Variants in MICAL2 observed in about 807,000 individuals in gnomAD.
MICAL2 encodes microtubule associated monooxygenase, calponin and LIM domain containing 2.
A neutral mutation model predicts 127.3 loss-of-function variants in MICAL2; 77 were observed. The observed-to-expected ratio is 0.60, with a 90% CI of 0.50 to 0.73. The LOEUF (loss-of-function observed/expected upper bound fraction) is 0.73. Ranked by LOEUF, MICAL2 falls within the 30% of genes least tolerant of loss-of-function variation. The pLI is 0.00. For synonymous variants in MICAL2, 570 were observed against 551.1 expected (o/e 1.03, Z -0.48); for missense variants, 1,351 against 1,434.4 (o/e 0.94, Z 0.94).
chr11:12,337,529 CT>C (rs1429933736), intron 32 of MICAL2, among the ~76,000 whole-genome samples: 1 of 152,134 alleles, frequency 6.6e-6, no homozygotes, highest in East Asian at 1.9e-4. Flanking sequence ...TTCTCTAGTT[CT>C]TTTAATTGTG....
rs140406273 is a variant in MICAL2 at position 12,204,322 on chromosome 11, G to A, written c.337G>A (p.Val113Ile). Residue 113 changes from valine (V) to isoleucine (I), a missense_variant, in exon 4 of 28, where the codon GTC (valine) becomes ATC (isoleucine). By Grantham distance (29) the Val-to-Ile change is conservative. This residue lies in a region of MICAL2 where 599 missense variants were observed against 714.9 expected (regional missense o/e 0.84). Coordinates refer to ENST00000683283, the MANE Select transcript of MICAL2 (RefSeq NM_001282663.2). ...ACTTGCCTACCTGGGAGCCAAAGTGGTCGTGGTGGAGAAGAGGGACTCCTT... is the reference window on the plus strand; with the variant it reads ...ACTTGCCTACCTGGGAGCCAAAGTGATCGTGGTGGAGAAGAGGGACTCCTT... The part of the protein sequence containing the change: ...IELAYLGAKV[V>I]VVEKRDSFSR... The A allele has an allele frequency of 4.1e-3, 6,633 of 1,614,162 alleles. 53 individuals are homozygous for A. The highest frequency in any genetic ancestry group is 0.02 in the South Asian group (1,782 of 91,080).
intron 3 of MICAL2, among the ~76,000 whole-genome samples, chr11:12,178,901 C>T (rs1297549357): frequency 6.6e-6 from 1 of 152,020 alleles, no homozygotes; most frequent in Non-Finnish European, 1.5e-5. Flanking sequence ...GCAATCACAC[C>T]TTCCTTTGCA....
intron 3 of MICAL2, among the ~76,000 whole-genome samples, chr11:12,190,446 G>T (rs573605108): frequency 2.2e-4 from 34 of 152,276 alleles, no homozygotes; most frequent in African/African-American, 8.2e-4. Context: ...CTGGCTTTGT[G>T]ACATCTGAAG....
intron 18 of MICAL2, among the ~76,000 whole-genome samples, chr11:12,241,789 G>C (rs1056968238): frequency 1.3e-5 from 2 of 152,208 alleles, no homozygotes; most frequent in African/African-American, 4.8e-5. Context: ...AGTAAGGTCG[G>C]TGTGACTACA....
chr11:12,156,813 TG>T (rs1438505688), intron 2 of MICAL2, among the ~76,000 whole-genome samples: 1 of 152,248 alleles, frequency 6.6e-6, no homozygotes, highest in Non-Finnish European at 1.5e-5. Flanking sequence ...TGGATTCAGA[TG>T]GCCATAACTG....
At chr11:12,138,111 ACTC>A (rs1331459429) in intron 1 of MICAL2, among the ~76,000 whole-genome samples, 45 of 152,294 alleles carry the variant, frequency 3.0e-4, no homozygotes, top group Non-Finnish European at 2.9e-5. Context: ...GATCCCTCCT[ACTC>A]CTCAGCAAAG....
At chr11:12,305,719 G>A (rs1375969759) in intron 29 of MICAL2, among the ~76,000 whole-genome samples, 1 of 152,162 alleles carries the variant, frequency 6.6e-6, no homozygotes, top group East Asian at 1.9e-4. Context: ...GTGAAACTGT[G>A]AACATGGGGT....
At chr11:12,236,017 G>A (rs1859001291) in intron 15 of MICAL2, among the ~76,000 whole-genome samples, 160 bp from the exon 16 acceptor site, 2 of 152,210 alleles carry the variant, frequency 1.3e-5, no homozygotes, top group African/African-American at 4.8e-5. Context: ...ACAGTGCGGA[G>A]TCATTTACTA....
chr11:12,308,422 A>C (rs968384971), intron 29 of MICAL2, among the ~76,000 whole-genome samples: 3 of 152,086 alleles, frequency 2.0e-5, no homozygotes, highest in African/African-American at 7.2e-5. Context: ...AATTTATTTA[A>C]GTTTCTTTCA....
chr11:12,262,156 C>G, intron 26 of MICAL2: 1 of 1,206,196 alleles, frequency 8.3e-7, no homozygotes, highest in Non-Finnish European at 1.0e-6. Flanking sequence ...GGTGGACCCC[C>G]GAGGATGAAT....
At chr11:12,289,308 C>T (rs766708244), downstream of MICAL2, among the ~76,000 whole-genome samples, 10 of 152,240 alleles carry the variant, frequency 6.6e-5, no homozygotes, top group Non-Finnish European at 1.3e-4. Flanking sequence ...CCCCGGTGGG[C>T]CATACCAAGG....
At chr11:12,139,274 T>C (rs1852119196) in intron 2 of MICAL2, among the ~76,000 whole-genome samples, 1 of 152,174 alleles carries the variant, frequency 6.6e-6, no homozygotes. Flanking sequence ...ACCATATATC[T>C]GTGTTTACAG....
Position 12,226,231 on chromosome 11 carries a change from G to A in MICAL2, c.1749G>A (p.Val583=), listed in dbSNP as rs745955830. The change falls in exon 14 of 28, where the codon GTG becomes GTA. Residue 583 remains valine (V), a synonymous_variant. Coordinates refer to ENST00000683283, the MANE Select transcript of MICAL2 (RefSeq NM_001282663.2). ...AGAACAACCAGCTCGCATTTGATGT[G>A]GCCGAGCGAGAGTTTGGGATCCCTC... ...AVENNQLAFD[V]AEREFGIPPV... is the part of the protein sequence containing the mutation. 6 of 1,614,222 alleles carry A rather than the reference G, an allele frequency of 3.7e-6. No homozygotes were observed. The highest frequency in any genetic ancestry group is 5.1e-6 in the Non-Finnish European group (6 of 1,180,054).
At chr11:12,195,416 G>A (rs1036758110) in intron 3 of MICAL2, among the ~76,000 whole-genome samples, 46 of 152,094 alleles carry the variant, frequency 3.0e-4, no homozygotes, top group African/African-American at 9.9e-4. Flanking sequence ...AAGGATAGAC[G>A]GATGTGAATA....
intron 3 of MICAL2, among the ~76,000 whole-genome samples, chr11:12,167,311 A>G (rs1017904883): frequency 6.6e-6 from 1 of 152,132 alleles, no homozygotes; most frequent in African/African-American, 2.4e-5. Flanking sequence ...ACTGTATTTT[A>G]TGAGTATGCA....
intron 13 of MICAL2, among the ~76,000 whole-genome samples, chr11:12,225,033 G>A (rs1019201894): frequency 1.3e-5 from 2 of 152,064 alleles, no homozygotes; most frequent in Non-Finnish European, 2.9e-5. Context: ...AATTGGCTCC[G>A]GCTTAGTGAT....
Position 12,200,021 on chromosome 11 carries a change from T to C in MICAL2, c.265-4229T>C, listed in dbSNP as rs141777962. 3.9e-5 allele frequency among the ~76,000 whole-genome samples: 6 copies of C among 152,232 alleles called. No individual in the cohort carries two copies. In the East Asian group the frequency reaches 9.7e-4, roughly 25 times the overall value. ...ACTGGTGTGAACTGAAACATCCCAGTTGTGAATGGAGAGCCAGAACTGGAT... is the reference window on the plus strand; with the variant it reads ...ACTGGTGTGAACTGAAACATCCCAGCTGTGAATGGAGAGCCAGAACTGGAT... On this transcript the variant is annotated intron_variant, in intron 3 of 27. Transcript: ENST00000683283.
intron 6 of MICAL2, 70 bp from the exon 7 acceptor site, chr11:12,213,185 C>T (rs1013687698): frequency 4.0e-6 from 6 of 1,509,694 alleles, no homozygotes; most frequent in Non-Finnish European, 4.5e-6. Flanking sequence ...AACAGCTCTC[C>T]CAATAATCAT....
chr11:12,161,185 C>G (rs888945882), intron 2 of MICAL2, among the ~76,000 whole-genome samples: 1 of 152,220 alleles, frequency 6.6e-6, no homozygotes, highest in African/African-American at 2.4e-5. Flanking sequence ...ATCAGCTCTA[C>G]TTTATTTTTG....
Sources: gnomAD v4.1 joint callset for allele counts (sites outside exome capture counted in the v4.1 genomes callset) on GRCh38, gnomAD v4.1.1 for gene constraint, gnomAD v4.1.1 regional missense constraint, MANE v1.5 for transcripts, NCBI Gene and HGNC (gene_info 2026-07-23, HGNC 2026-07-21) for gene names.